The following GRIP1 variants were observed in gnomAD, a reference collection of about 807,000 sequenced individuals.
GRIP1 encodes the protein glutamate receptor-interacting protein 1.
In GRIP1, 45 loss-of-function variants were observed where a neutral mutation model predicts 129.9. The ratio of observed to expected loss-of-function variants is 0.35; its 90% CI spans 0.27 to 0.44. GRIP1 has a LOEUF of 0.44. Among genes scored for constraint, GRIP1 ranks in the 20% least tolerant of loss-of-function variants. GRIP1 has a pLI of 1.00. For synonymous variants in GRIP1, 530 were observed against 520.8 expected (o/e 1.02, Z -0.24); for missense variants, 1,196 against 1,396.8 (o/e 0.86, Z 2.29).
Position 66,596,937 on chromosome 12 carries a change from T to C in GRIP1, c.56-10A>G. The C allele has an allele frequency of 6.3e-7, 1 of 1,587,208 alleles. No homozygotes were observed. The highest frequency in any genetic ancestry group is 8.7e-7 in the Non-Finnish European group (1 of 1,155,480). ...GTGTAGGGACTCTCATCTGCAAAGG[T>C]ACAATGAAGCGTTTGGTTAATTTCC... On this transcript the variant is annotated splice_polypyrimidine_tract_variant and intron_variant, in intron 1 of 24. Transcript: ENST00000359742.
In GRIP1 at chr12:66,685,225, A is replaced by C. The variant is rs192742314; in HGVS notation, c.-419-54889T>G. The stretch of plus-strand genomic sequence containing the variant: ...CTCCTAACTCATCCCAGAATCATTG[A>C]CCAACACTTGCTTTTATTTGTATGA... On this transcript the variant is annotated intron_variant, in intron 1 of 4. Transcript: ENST00000538373. Among the ~76,000 whole-genome samples the C allele has an allele frequency of 2.9e-3, 439 of 152,240 alleles. 3 individuals carry two copies. The highest frequency in any genetic ancestry group is 0.01 in the African/African-American group (417 of 41,568).
chr12:66,975,548 T>A (rs2042139124), intron 1 of GRIP1, among the ~76,000 whole-genome samples: 1 of 152,224 alleles, frequency 6.6e-6, no homozygotes, highest in African/African-American at 2.4e-5. Flanking sequence ...ATCTTTCCTG[T>A]CTTTTTGTAG....
chr12:66,903,602 G>A (rs116652239), intron 1 of GRIP1, among the ~76,000 whole-genome samples: 2,067 of 152,166 alleles, frequency 0.014, 52 homozygotes, highest in African/African-American at 0.047. Flanking sequence ...TGAAGGGGAG[G>A]TAGGAAAGAA....
chr12:67,022,425 A>G (rs1565643266), intron 1 of GRIP1, among the ~76,000 whole-genome samples: 1 of 152,138 alleles, frequency 6.6e-6, no homozygotes, highest in Non-Finnish European at 1.5e-5. Context: ...TTATGTACAC[A>G]TGCTTTTATT....
intron 1 of GRIP1, among the ~76,000 whole-genome samples, chr12:67,054,731 T>C (rs1165937466): frequency 6.8e-6 from 1 of 146,962 alleles, no homozygotes; most frequent in Non-Finnish European, 1.5e-5. Context: ...ACCACTGCAC[T>C]CCAGACTGGG....
intron 2 of GRIP1, among the ~76,000 whole-genome samples, chr12:66,545,789 T>C (rs906426936): frequency 6.6e-6 from 1 of 152,218 alleles, no homozygotes; most frequent in African/African-American, 2.4e-5. Flanking sequence ...ATCAGTTGTA[T>C]ATCTATATAG....
intron 2 of GRIP1, among the ~76,000 whole-genome samples, chr12:66,560,796 T>A (rs2062499107): frequency 6.6e-6 from 1 of 152,036 alleles, no homozygotes; most frequent in East Asian, 1.9e-4. Flanking sequence ...TACCATATGA[T>A]CCAGCAATCC....
chr12:66,800,862 G>A (rs778643815), intron 1 of GRIP1, among the ~76,000 whole-genome samples: 87 of 151,974 alleles, frequency 5.7e-4, no homozygotes, highest in Middle Eastern at 3.4e-3. Context: ...TGGTGGATAC[G>A]ATTAAATAAA....
At chr12:66,658,726 G>A (rs578091804) in intron 1 of GRIP1, among the ~76,000 whole-genome samples, 2 of 152,150 alleles carry the variant, frequency 1.3e-5, no homozygotes, top group Admixed American at 6.5e-5. Flanking sequence ...GCAACACAGG[G>A]AGATCCTGTC....
intron 1 of GRIP1, among the ~76,000 whole-genome samples, chr12:66,968,675 G>A (rs2042030929): frequency 6.6e-6 from 1 of 151,984 alleles, no homozygotes; most frequent in South Asian, 2.1e-4. Context: ...TGACATTGTT[G>A]TCATTCATTT....
In GRIP1 at chr12:66,709,045, GA is replaced by G. The variant is rs568448938; in HGVS notation, c.-419-78710del. ...AAAGACAGTAGACCATCATGAATTA[GA>G]AAAAAAATGAAAAATAAGATAAAAG... On this transcript the variant is annotated intron_variant, in intron 1 of 4. Coordinates refer to the GRIP1 transcript ENST00000538373. Among the ~76,000 whole-genome samples the G allele has an allele frequency of 2.9e-3, 440 of 150,868 alleles. 1 individual carries two copies. The highest frequency in any genetic ancestry group is 0.01 in the African/African-American group (421 of 41,158).
intron 14 of GRIP1, among the ~76,000 whole-genome samples, chr12:66,431,859 G>A (rs190179791): frequency 3.9e-5 from 6 of 152,252 alleles, no homozygotes; most frequent in East Asian, 3.9e-4. Flanking sequence ...ACTAAAGCCC[G>A]AGGAAAGGAG....
chr12:66,358,320 C>A lies in GRIP1; in HGVS notation c.3013-4757G>T, dbSNP rs539382931. 7.2e-5 allele frequency among the ~76,000 whole-genome samples: 11 copies of A among 152,270 alleles called. No individual in the cohort carries two copies. The South Asian group carries it at 2.1e-3, about 29-fold the overall frequency. ...TTTGATAGGATCCATTGGTTTTGGT[C>A]GCTTCTTTACTTTCCGGCACAAAAT... On this transcript the variant is annotated intron_variant, in intron 23 of 24. Transcript: ENST00000359742.
Position 66,586,706 on chromosome 12 carries a change from C to G in GRIP1, c.136+10141G>C, listed in dbSNP as rs143098112. ...GGAATTATCCCAGACTTCTCTTTTCCTCTCTCAGCCCACATCCAATTTGTC... is the reference window on the plus strand; with the variant it reads ...GGAATTATCCCAGACTTCTCTTTTCGTCTCTCAGCCCACATCCAATTTGTC... On this transcript the variant is annotated intron_variant, in intron 2 of 24. Coordinates refer to ENST00000359742, the MANE Select transcript of GRIP1 (RefSeq NM_001366722.1). 2.0e-5 allele frequency among the ~76,000 whole-genome samples: 3 copies of G among 152,200 alleles called. No individual in the cohort carries two copies. The East Asian group carries it at 5.8e-4, about 29-fold the overall frequency.
chr12:66,964,899 T>C (rs1178888243), intron 1 of GRIP1, among the ~76,000 whole-genome samples: 1 of 152,192 alleles, frequency 6.6e-6, no homozygotes, highest in Non-Finnish European at 1.5e-5. Flanking sequence ...TGTCCTCATA[T>C]GGTCTTTCCT....
chr12:66,425,915 A>G (rs187206032), intron 14 of GRIP1, among the ~76,000 whole-genome samples: 191 of 152,160 alleles, frequency 1.3e-3, no homozygotes, highest in Admixed American at 3.3e-3. Context: ...TGGCACATGT[A>G]TACATATGTA....
Position 66,762,246 on chromosome 12 carries a change from A to G in GRIP1, c.-420+41807T>C, listed in dbSNP as rs146873734. 1.7e-4 allele frequency among the ~76,000 whole-genome samples: 26 copies of G among 152,326 alleles called. No individual in the cohort carries two copies. In the East Asian group the frequency reaches 3.3e-3, roughly 19 times the overall value. On this transcript the variant is annotated intron_variant, in intron 1 of 4. Transcript: ENST00000538373. The stretch of plus-strand genomic sequence containing the variant: ...TTTCCTCAATAGTAAGTGTCAAGGA[A>G]TAACTGTCAACAAGGAGATTCTAGA...
At chr12:67,059,708 A>G (rs77518168) in intron 1 of GRIP1, among the ~76,000 whole-genome samples, 1 of 152,362 alleles carries the variant, frequency 6.6e-6, no homozygotes, top group East Asian at 1.9e-4. Context: ...TCTTAAAAGT[A>G]GTGTGTAAAT....
chr12:66,995,592 C>T (rs951650449), intron 1 of GRIP1, among the ~76,000 whole-genome samples: 1 of 152,064 alleles, frequency 6.6e-6, no homozygotes, highest in Non-Finnish European at 1.5e-5. Flanking sequence ...TGAAAAGATG[C>T]TTTACATCAT....
Sources: gnomAD v4.1 joint callset for allele counts (sites outside exome capture counted in the v4.1 genomes callset) on GRCh38, gnomAD v4.1.1 for gene constraint, MANE v1.5 for transcripts, NCBI Gene and HGNC (gene_info 2026-07-23, HGNC 2026-07-21) for gene names.